The following CNTN4 variants were observed in gnomAD, a reference collection of about 807,000 sequenced individuals.
The protein encoded by CNTN4 is contactin-4.
CNTN4 carries 77 observed loss-of-function variants against 122.5 expected under a neutral mutation model. The ratio of observed to expected loss-of-function variants is 0.63; its 90% CI spans 0.52 to 0.76. The LOEUF (loss-of-function observed/expected upper bound fraction) is 0.76. Among genes scored for constraint, CNTN4 ranks in the 30% least tolerant of loss-of-function variants. CNTN4 has a pLI of 0.00. For missense variants in CNTN4, 1,256 were observed against 1,259.1 expected, an observed-to-expected ratio of 1.00 and a Z score of 0.04; for synonymous variants, 512 against 447.0, an observed-to-expected ratio of 1.15 and a Z score of -1.83.
chr3:2,225,161 A>C (rs56008215), intron 2 of CNTN4, among the ~76,000 whole-genome samples: 38,748 of 94,316 alleles, frequency 0.41, 6,151 homozygotes, highest in South Asian at 0.54. Context: ...CACCACCCCC[A>C]AAAAAAAAGA....
intron 2 of CNTN4, among the ~76,000 whole-genome samples, chr3:2,109,513 AG>A (rs1346098573): frequency 6.6e-6 from 1 of 152,148 alleles, no homozygotes; most frequent in African/African-American, 2.4e-5. Flanking sequence ...ATAAATCTTG[AG>A]TGTCCATGTT....
At chr3:2,462,957 T>C (rs948546541) in intron 3 of CNTN4, among the ~76,000 whole-genome samples, 1 of 152,220 alleles carries the variant, frequency 6.6e-6, no homozygotes, top group African/African-American at 2.4e-5. Context: ...ACTTGGTATG[T>C]ATTTCACACT....
intron 6 of CNTN4, among the ~76,000 whole-genome samples, chr3:2,817,110 G>C (rs1039000452): frequency 2.0e-5 from 3 of 152,158 alleles, no homozygotes; most frequent in African/African-American, 7.2e-5. Context: ...TAAGTATCAT[G>C]TCCTTTGATT....
At chr3:2,803,509 T>C (rs2092394690) in intron 6 of CNTN4, among the ~76,000 whole-genome samples, 1 of 152,058 alleles carries the variant, frequency 6.6e-6, no homozygotes, top group Non-Finnish European at 1.5e-5. Context: ...AAAAGAACTA[T>C]TGATGGACAG....
chr3:2,198,688 T>C (rs1302881837), intron 2 of CNTN4, among the ~76,000 whole-genome samples: 1 of 152,180 alleles, frequency 6.6e-6, no homozygotes, highest in Non-Finnish European at 1.5e-5. Flanking sequence ...GGGACTTTCA[T>C]AGAATATACT....
intron 4 of CNTN4, among the ~76,000 whole-genome samples, chr3:2,636,283 A>G (rs1576303826): frequency 1.3e-5 from 2 of 152,350 alleles, no homozygotes; most frequent in East Asian, 1.9e-4. Context: ...TTACGTCATC[A>G]GGCATCAGAA....
chr3:2,827,932 G>T (rs1489557722), intron 7 of CNTN4, among the ~76,000 whole-genome samples: 1 of 152,042 alleles, frequency 6.6e-6, no homozygotes, highest in Non-Finnish European at 1.5e-5. Context: ...CAAAATGTGA[G>T]ATTTTTAAAT....
intron 6 of CNTN4, among the ~76,000 whole-genome samples, chr3:2,778,218 AAATAAAT>A (rs2091424392): frequency 8.8e-6 from 1 of 113,058 alleles, no homozygotes; most frequent in Non-Finnish European, 1.8e-5. Flanking sequence ...CGTCTCAAAT[AAATAAAT>A]AAATAAATAA....
At chr3:2,389,222 G>A (rs9865120) in intron 3 of CNTN4, among the ~76,000 whole-genome samples, 1,725 of 151,570 alleles carry the variant, frequency 0.011, 30 homozygotes, top group African/African-American at 0.04. Flanking sequence ...TGCATGTTGT[G>A]CCTCCAAAGA....
At chr3:2,810,091 T>C (rs1415289604) in intron 6 of CNTN4, among the ~76,000 whole-genome samples, 1 of 152,214 alleles carries the variant, frequency 6.6e-6, no homozygotes. Flanking sequence ...TCATCCCTGT[T>C]ATTTAATTTG....
intron 6 of CNTN4, among the ~76,000 whole-genome samples, chr3:2,797,592 C>G (rs1465060076): frequency 6.6e-6 from 1 of 152,116 alleles, no homozygotes; most frequent in Non-Finnish European, 1.5e-5. Context: ...GAGCGAAACT[C>G]CGCCTCAAAA....
At chr3:2,456,402 A>G (rs981689660) in intron 3 of CNTN4, among the ~76,000 whole-genome samples, 86 of 152,240 alleles carry the variant, frequency 5.6e-4, no homozygotes, top group African/African-American at 2.0e-3. Context: ...AAAATAAACA[A>G]TTCAGTGGCA....
At chr3:2,239,422 A>G (rs2039839396) in intron 2 of CNTN4, among the ~76,000 whole-genome samples, 1 of 152,172 alleles carries the variant, frequency 6.6e-6, no homozygotes, top group African/African-American at 2.4e-5. Flanking sequence ...ATCTCATACC[A>G]AAAATGACCA....
intron 4 of CNTN4, among the ~76,000 whole-genome samples, chr3:2,622,860 C>T (rs1013303481): frequency 1.3e-5 from 2 of 152,190 alleles, no homozygotes; most frequent in African/African-American, 4.8e-5. Flanking sequence ...TGCACTCTGA[C>T]TCAAAAGCCA....
At chr3:2,600,531 C>G (rs1416400058) in intron 4 of CNTN4, among the ~76,000 whole-genome samples, 1 of 152,142 alleles carries the variant, frequency 6.6e-6, no homozygotes, top group Middle Eastern at 3.2e-3. Flanking sequence ...GACATGAACT[C>G]ATCATTTTCT....
intron 13 of CNTN4, among the ~76,000 whole-genome samples, chr3:2,980,226 A>C (rs2125188326): frequency 6.6e-6 from 1 of 152,308 alleles, no homozygotes; most frequent in Non-Finnish European, 1.5e-5. Flanking sequence ...TAGGTAATTT[A>C]CTGTGTTGTG....
chr3:2,339,118 A>G (rs1450872360), intron 2 of CNTN4, 60 bp from the exon 3 acceptor site: 3 of 152,152 alleles, frequency 2.0e-5, no homozygotes, highest in Admixed American at 2.0e-4. Context: ...TCACCTACCC[A>G]TAAGCCTATC....
At chr3:2,568,975 C>G (rs1333394405) in intron 3 of CNTN4, among the ~76,000 whole-genome samples, 2 of 152,136 alleles carry the variant, frequency 1.3e-5, no homozygotes, top group East Asian at 1.9e-4. Context: ...ATTTCTCTCA[C>G]AAAATTAATT....
chr3:2,253,502 C>A (rs1004500806), intron 2 of CNTN4, among the ~76,000 whole-genome samples: 2 of 152,094 alleles, frequency 1.3e-5, no homozygotes, highest in Admixed American at 6.6e-5. Flanking sequence ...TTTATAAATT[C>A]AACAGCTAAA....
Sources: allele counts gnomAD v4.1 joint callset (sites outside exome capture counted in the v4.1 genomes callset), GRCh38; gene constraint gnomAD v4.1.1; transcripts MANE v1.5; gene names NCBI Gene and HGNC (gene_info 2026-07-23, HGNC 2026-07-21).